Variants in SPATA13 observed in about 807,000 individuals in gnomAD.
SPATA13 encodes the protein spermatogenesis-associated protein 13.
SPATA13 carries 50 observed loss-of-function variants against 104.0 expected under a neutral mutation model. That is an observed-to-expected ratio of 0.48 (90% CI 0.38 to 0.61). SPATA13 has a LOEUF of 0.61. SPATA13 is among the 20% of genes least tolerant of loss of function. The probability of loss-of-function intolerance (pLI) is 0.00; values close to 1 mark genes in which losing one functional copy is unlikely to be tolerated. For synonymous variants in SPATA13, 606 were observed against 667.5 expected (o/e 0.91, Z 1.42); for missense variants, 1,524 against 1,690.6 (o/e 0.90, Z 1.73).
upstream of SPATA13, among the ~76,000 whole-genome samples, chr13:24,159,464 T>C (rs1252223636): frequency 6.6e-6 from 1 of 152,212 alleles, no homozygotes; most frequent in Admixed American, 6.5e-5. Context: ...AAAACAGGAA[T>C]GGAAAGTACA....
In SPATA13 at chr13:24,223,747, A is replaced by G. The variant is rs1290325337; in HGVS notation, c.818A>G (p.Asn273Ser). The change falls in exon 2 of 13, where the codon AAT becomes AGT. Residue 273 changes from asparagine (N) to serine (S), a missense_variant. Asn to Ser is a conservative substitution (Grantham distance 46). Transcript: ENST00000382108. ...TCCTTTAAGCGGAAGTCCACCTCCA[A>G]TCTTGCAGACCTCAGGACGGCCCAT... is the stretch of plus-strand genomic sequence containing the variant. Reference protein sequence around the residue: ...KSSFKRKSTSNLADLRTAHDA... With the variant: ...KSSFKRKSTSSLADLRTAHDA... The G allele has an allele frequency of 1.3e-6, 2 of 1,551,950 alleles. No homozygotes were observed. Among genetic ancestry groups the G allele is most frequent in the Non-Finnish European group, 1.7e-6 (2 of 1,147,040 alleles).
intron 2 of SPATA13, among the ~76,000 whole-genome samples, chr13:23,988,045 G>T (rs1875236587): frequency 6.6e-6 from 1 of 151,920 alleles, no homozygotes; most frequent in South Asian, 2.1e-4. Context: ...CTGAGTTCAG[G>T]CAATTCTCCT....
At chr13:24,127,568 A>G (rs1325816566) in intron 3 of SPATA13, among the ~76,000 whole-genome samples, 1 of 152,222 alleles carries the variant, frequency 6.6e-6, no homozygotes, top group Non-Finnish European at 1.5e-5. Context: ...CAAGAGCTCA[A>G]GAAATGAGAT....
intron 3 of SPATA13, among the ~76,000 whole-genome samples, chr13:24,075,011 G>A (rs749073847): frequency 3.3e-5 from 5 of 152,166 alleles, no homozygotes; most frequent in Non-Finnish European, 5.9e-5. Flanking sequence ...CTGCAGTTTG[G>A]TTATGTTTTC....
intron 4 of SPATA13, among the ~76,000 whole-genome samples, chr13:24,280,273 A>G (rs948345604): frequency 1.3e-5 from 2 of 152,238 alleles, no homozygotes. Context: ...TACCTCCTGT[A>G]AAGGTCTAAC....
At chr13:24,012,680 G>T (rs982149520) in intron 2 of SPATA13, among the ~76,000 whole-genome samples, 2 of 152,248 alleles carry the variant, frequency 1.3e-5, no homozygotes, top group African/African-American at 4.8e-5. Flanking sequence ...TGTGTGGTGG[G>T]CGGGGTGCAG....
At chr13:24,043,933 G>C (rs1420005013) in intron 3 of SPATA13, among the ~76,000 whole-genome samples, 1 of 152,236 alleles carries the variant, frequency 6.6e-6, no homozygotes, top group Non-Finnish European at 1.5e-5. Context: ...ACCTTGGGAA[G>C]TGGGGTTAGT....
chr13:24,226,263 G>A (rs1396886181), intron 2 of SPATA13, among the ~76,000 whole-genome samples: 1 of 152,128 alleles, frequency 6.6e-6, no homozygotes, highest in Non-Finnish European at 1.5e-5. Flanking sequence ...CTGCGGACCC[G>A]CCCCTTCCCA....
chr13:24,173,205 G>T (rs1448832382), intron 1 of SPATA13, among the ~76,000 whole-genome samples: 1 of 152,156 alleles, frequency 6.6e-6, no homozygotes, highest in East Asian at 1.9e-4. Flanking sequence ...AGCCTCCTGA[G>T]TAGCTGGGAC....
intron 2 of SPATA13, among the ~76,000 whole-genome samples, chr13:24,008,721 C>A (rs1876338092): frequency 6.6e-6 from 1 of 152,170 alleles, no homozygotes; most frequent in Non-Finnish European, 1.5e-5. Flanking sequence ...AGTCACCTGG[C>A]AGAGACCTGG....
chr13:24,133,611 G>C (rs1265036995), intron 3 of SPATA13, among the ~76,000 whole-genome samples: 1 of 152,134 alleles, frequency 6.6e-6, no homozygotes, highest in Non-Finnish European at 1.5e-5. Flanking sequence ...AGGCGTAAAG[G>C]TGTGTGTGGG....
chr13:24,201,883 G>A (rs1870427826), intron 1 of SPATA13, among the ~76,000 whole-genome samples: 1 of 152,100 alleles, frequency 6.6e-6, no homozygotes, highest in Admixed American at 6.5e-5. Context: ...CCAGCCTTTG[G>A]CAACCACTGA....
At chr13:24,278,994 C>T (rs553575791) in intron 4 of SPATA13, among the ~76,000 whole-genome samples, 26 of 125,548 alleles carry the variant, frequency 2.1e-4, no homozygotes, top group African/African-American at 7.6e-4. Context: ...CCCTCCCTCC[C>T]TTCCTTCCTT....
chr13:24,179,031 A>C (rs1211370055), intron 1 of SPATA13, among the ~76,000 whole-genome samples: 1 of 152,128 alleles, frequency 6.6e-6, no homozygotes, highest in Non-Finnish European at 1.5e-5. Flanking sequence ...TTCATACAAC[A>C]TGTGGCCTTT....
intron 3 of SPATA13, among the ~76,000 whole-genome samples, chr13:24,153,508 T>C (rs577132986): frequency 6.6e-6 from 1 of 152,310 alleles, no homozygotes; most frequent in South Asian, 2.1e-4. Context: ...TCAGCATGTG[T>C]AAAGTACACC....
intron 2 of SPATA13, among the ~76,000 whole-genome samples, chr13:24,225,946 G>C (rs1871909539): frequency 6.6e-6 from 1 of 152,210 alleles, no homozygotes; most frequent in South Asian, 2.1e-4. Flanking sequence ...TGGACAAACG[G>C]AGGGTGAGCA....
At chr13:24,052,458 C>G (rs975275260) in intron 3 of SPATA13, among the ~76,000 whole-genome samples, 1 of 151,100 alleles carries the variant, frequency 6.6e-6, no homozygotes, top group Admixed American at 6.6e-5. Context: ...CACTTTCATT[C>G]AGGGTTCTAA....
chr13:24,274,314 T>A (rs1289318862), intron 4 of SPATA13, among the ~76,000 whole-genome samples: 1 of 152,232 alleles, frequency 6.6e-6, no homozygotes, highest in Non-Finnish European at 1.5e-5. Context: ...CAGAATCATT[T>A]GAGGAGCTTT....
chr13:24,135,697 CAAAAAA>C (rs34145507), intron 3 of SPATA13, among the ~76,000 whole-genome samples: 2 of 82,326 alleles, frequency 2.4e-5, no homozygotes, highest in Non-Finnish European at 4.7e-5. Flanking sequence ...GAATCCGTCT[CAAAAAA>C]AAAAAAAAAA....
Sources: gnomAD v4.1 joint callset for allele counts (sites outside exome capture counted in the v4.1 genomes callset) on GRCh38, gnomAD v4.1.1 for gene constraint, MANE v1.5 for transcripts, NCBI Gene and HGNC (gene_info 2026-07-23, HGNC 2026-07-21) for gene names.